TANC2: variants seen among roughly 807,000 people sequenced by gnomAD.
TANC2 encodes tetratricopeptide repeat, ankyrin repeat and coiled-coil containing 2, also known as protein TANC2.
Under a neutral mutation model 210.5 loss-of-function variants are expected in TANC2, and 26 were observed. That is an observed-to-expected ratio of 0.12 (90% confidence interval 0.09 to 0.17). The LOEUF is 0.17. Among genes scored for constraint, TANC2 ranks in the 10% least tolerant of loss-of-function variants. TANC2 has a pLI of 1.00. For synonymous variants in TANC2, 931 were observed against 967.1 expected, an observed-to-expected ratio of 0.96 and a Z score of 0.69; for missense variants, 2,129 against 2,608.9, an observed-to-expected ratio of 0.82 and a Z score of 4.01.
chr17:63,061,404 C>T (rs2144532538), intron 2 of TANC2, among the ~76,000 whole-genome samples: 1 of 152,118 alleles, frequency 6.6e-6, no homozygotes, highest in East Asian at 1.9e-4. Context: ...AAAAAGATTA[C>T]ATGATAGTTT....
rs2045096091 is a variant in TANC2 at position 63,310,746 on chromosome 17, T to A, written c.1160-3642T>A. Among the ~76,000 whole-genome samples the A allele has an allele frequency of 3.3e-5, 5 of 152,174 alleles. 1 individual carries two copies. Among genetic ancestry groups the A allele is most frequent in the Admixed American group, 3.3e-4 (5 of 15,278 alleles). On this transcript the variant is annotated intron_variant, in intron 9 of 27. Coordinates refer to ENST00000689528, the Ensembl canonical transcript of TANC2. Reference sequence around the variant, plus strand: ...AAAATATACATTAAACACAATGAGATGCCATTCTTAACTAGATTAACAAAG... The same window carrying A: ...AAAATATACATTAAACACAATGAGAAGCCATTCTTAACTAGATTAACAAAG...
At chr17:63,007,921 T>G (rs1349692728) in intron 1 of TANC2, among the ~76,000 whole-genome samples, 4 of 151,986 alleles carry the variant, frequency 2.6e-5, no homozygotes. Context: ...AATTATTTGT[T>G]TTTTCTTTTG....
chr17:63,065,319 G>A (rs2036156939), intron 2 of TANC2, among the ~76,000 whole-genome samples: 1 of 152,116 alleles, frequency 6.6e-6, no homozygotes, highest in Non-Finnish European at 1.5e-5. Context: ...TGAACACTTA[G>A]GTTGATTCCA....
At chr17:63,081,393 A>G (rs1598367151) in intron 3 of TANC2, among the ~76,000 whole-genome samples, 1 of 152,220 alleles carries the variant, frequency 6.6e-6, no homozygotes, top group South Asian at 2.1e-4. Context: ...CCACTCTCCT[A>G]AAGTAACAAA....
chr17:63,079,928 G>A (rs541658675), intron 3 of TANC2, among the ~76,000 whole-genome samples: 1 of 152,282 alleles, frequency 6.6e-6, no homozygotes, highest in East Asian at 1.9e-4. Context: ...TGTAGGAGAT[G>A]GGAGACAGGC....
intron 4 of TANC2, among the ~76,000 whole-genome samples, chr17:63,147,953 A>G (rs1163909068): frequency 6.6e-6 from 1 of 152,206 alleles, no homozygotes; most frequent in Non-Finnish European, 1.5e-5. Context: ...AACAGCAAAA[A>G]CAATAATAAC....
chr17:63,156,114 A>C (rs147472348), intron 5 of TANC2, among the ~76,000 whole-genome samples: 45 of 152,328 alleles, frequency 3.0e-4, no homozygotes, highest in Admixed American at 1.0e-3. Flanking sequence ...GTGCTTGTAC[A>C]TAAAATCTTC....
At chr17:63,018,960 G>A (rs368137782) in intron 2 of TANC2, among the ~76,000 whole-genome samples, 58 of 152,288 alleles carry the variant, frequency 3.8e-4, no homozygotes, top group African/African-American at 1.3e-3. Context: ...AAGGACAGCT[G>A]AATTGTTTCC....
At chr17:63,324,938 A>C (rs1036397529) in intron 11 of TANC2, among the ~76,000 whole-genome samples, 1 of 152,084 alleles carries the variant, frequency 6.6e-6, no homozygotes, top group Non-Finnish European at 1.5e-5. Flanking sequence ...AAAGCCATCA[A>C]ATAGCTCCTC....
chr17:63,228,312 A>C (rs1280552404), intron 7 of TANC2, among the ~76,000 whole-genome samples: 1 of 152,164 alleles, frequency 6.6e-6, no homozygotes, highest in Admixed American at 6.6e-5. Flanking sequence ...TACTAGTACC[A>C]TGCTGTTTTG....
At chr17:63,360,796 T>C (rs1261911469) in intron 14 of TANC2, among the ~76,000 whole-genome samples, 1 of 152,174 alleles carries the variant, frequency 6.6e-6, no homozygotes, top group Non-Finnish European at 1.5e-5. Context: ...TCCCCAGTCC[T>C]GACTACCCTT....
intron 9 of TANC2, among the ~76,000 whole-genome samples, chr17:63,307,347 A>G (rs1030662267): frequency 6.6e-6 from 1 of 152,092 alleles, no homozygotes; most frequent in Admixed American, 6.5e-5. Context: ...GTTAATTCTT[A>G]TTTTATGAGC....
rs567949502 is a variant in TANC2 at position 63,049,932 on chromosome 17, G to A, written c.68-24011G>A. Among the ~76,000 whole-genome samples the A allele has an allele frequency of 2.1e-4, 32 of 152,194 alleles. 1 individual carries two copies. Among genetic ancestry groups the A allele is most frequent in the South Asian group, 1.0e-3 (5 of 4,818 alleles). On this transcript the variant is annotated intron_variant, in intron 2 of 27. Coordinates refer to ENST00000689528, the Ensembl canonical transcript of TANC2. Reference sequence around the variant, plus strand: ...AAAGAGGACTTAAGGATGACTCCACGGTTTTTGGCTTATACAACCAAAAGA... The same window carrying A: ...AAAGAGGACTTAAGGATGACTCCACAGTTTTTGGCTTATACAACCAAAAGA...
At chr17:63,196,974 A>G (rs2041366179) in intron 6 of TANC2, among the ~76,000 whole-genome samples, 3 of 152,192 alleles carry the variant, frequency 2.0e-5, no homozygotes, top group Admixed American at 6.5e-5. Flanking sequence ...CAGCCACACC[A>G]TACTGTTCCA....
chr17:63,048,440 T>C (rs1057099587), intron 2 of TANC2, among the ~76,000 whole-genome samples: 17 of 152,332 alleles, frequency 1.1e-4, no homozygotes, highest in African/African-American at 3.8e-4. Flanking sequence ...AGGGTAGTTA[T>C]ACATTTAAGT....
At chr17:62,997,987 G>T (rs1310735803) in intron 1 of TANC2, among the ~76,000 whole-genome samples, 3 of 152,122 alleles carry the variant, frequency 2.0e-5, no homozygotes, top group Admixed American at 6.5e-5. Flanking sequence ...TTGAGATTCA[G>T]GAGAAAGTCA....
intron 17 of TANC2, among the ~76,000 whole-genome samples, chr17:63,392,179 G>C (rs758486028): frequency 6.6e-6 from 1 of 152,134 alleles, no homozygotes; most frequent in Admixed American, 6.5e-5. Flanking sequence ...CGTCAAACCC[G>C]ACTGGGTTCT....
At chr17:63,040,110 A>G (rs1269851025) in intron 2 of TANC2, among the ~76,000 whole-genome samples, 2 of 152,322 alleles carry the variant, frequency 1.3e-5, no homozygotes, top group South Asian at 2.1e-4. Context: ...AATCAGTAGA[A>G]TGAACCTTGG....
chr17:63,180,033 C>A (rs566409846), intron 5 of TANC2, among the ~76,000 whole-genome samples: 1 of 148,616 alleles, frequency 6.7e-6, no homozygotes, highest in African/African-American at 2.5e-5. Context: ...ACCAGCTACT[C>A]AAGAGGCTGA....
Sources: gnomAD v4.1 joint callset for allele counts (sites outside exome capture counted in the v4.1 genomes callset) on GRCh38, gnomAD v4.1.1 for gene constraint, MANE v1.5 for transcripts, NCBI Gene and HGNC (gene_info 2026-07-23, HGNC 2026-07-21) for gene names.